The following ZNF679 variants were observed in gnomAD, a reference collection of about 807,000 sequenced individuals.
The protein encoded by ZNF679 is zinc finger protein 679, also known as hypothetical protein MGC42415.
Under a neutral mutation model 13.4 loss-of-function variants are expected in ZNF679, and 10 were observed. The observed-to-expected ratio is 0.75, with a 90% CI of 0.46 to 1.27. ZNF679 has a LOEUF of 1.27. ZNF679 is among the 50% of genes most tolerant of loss of function. ZNF679 has a pLI of 0.00. For missense variants in ZNF679, 525 were observed against 477.8 expected (o/e 1.10, Z -0.92); for synonymous variants, 179 against 162.5 (o/e 1.10, Z -0.77).
chr7:64,228,712 G>A (rs1787594201), intron 1 of ZNF679, 60 bp downstream of exon 1: 1 of 152,216 alleles, frequency 6.6e-6, no homozygotes, highest in African/African-American at 2.4e-5. Context: ...CCGTGCACGA[G>A]AGCTCCATCT....
At position 64,236,938 on chromosome 7, in the gene ZNF679, A is replaced by AAAG. The variant is rs1403950197; in HGVS notation, c.-91+8289_-91+8291dup. ...AGAAAGAAAGAAGAAAGAAAGAAAG[A>AAAG]AAGAAAGAAAGAAAGAAAGAAAGAA... On this transcript the variant is annotated intron_variant, in intron 1 of 4. Transcript: ENST00000421025. Among the ~76,000 whole-genome samples the AAAG allele has an allele frequency of 7.2e-5, 3 of 41,678 alleles. No homozygotes were observed. In the East Asian group the frequency reaches 4.3e-3, roughly 60 times the overall value. 27.3% of individuals were successfully genotyped at this position (41,678 alleles called of 152,430 possible). A position where few individuals can be genotyped will look rare whatever the true frequency, so the allele number is the denominator to read the frequency against.
At chr7:64,244,519 T>C (rs1323110712) in intron 1 of ZNF679, among the ~76,000 whole-genome samples, 2 of 152,122 alleles carry the variant, frequency 1.3e-5, no homozygotes, top group Non-Finnish European at 2.9e-5. Context: ...ACCCATAAGC[T>C]TTAACTACGG....
intron 1 of ZNF679, among the ~76,000 whole-genome samples, chr7:64,247,495 AAAT>A (rs1416826516): frequency 1.9e-4 from 29 of 152,360 alleles, no homozygotes; most frequent in African/African-American, 5.8e-4. Context: ...TCACATATTA[AAAT>A]AATATTTTGG....
intron 2 of ZNF679, among the ~76,000 whole-genome samples, chr7:64,250,710 T>C (rs1264340044): frequency 6.6e-6 from 1 of 151,904 alleles, no homozygotes; most frequent in Admixed American, 6.6e-5. Flanking sequence ...TGCCTCAGCC[T>C]CCCGAATAAC....
chr7:64,261,487 G>T (rs1380680879), intron 4 of ZNF679, among the ~76,000 whole-genome samples: 1 of 151,872 alleles, frequency 6.6e-6, no homozygotes, highest in Non-Finnish European at 1.5e-5. Context: ...GGATATACAA[G>T]CAGGATACCT....
Position 64,263,781 on chromosome 7 carries a change from T to C in ZNF679, c.263-2115T>C, listed in dbSNP as rs569434515. Among the ~76,000 whole-genome samples, 15 of 152,316 alleles carry C rather than the reference T, an allele frequency of 9.8e-5. No homozygotes were observed. The South Asian group carries it at 3.1e-3, about 32-fold the overall frequency. ...CTCACCAGAAACAGGTGCTGGCATATACATCTTGTACAGTCTACTCAACTG... is the reference window on the plus strand; with the variant it reads ...CTCACCAGAAACAGGTGCTGGCATACACATCTTGTACAGTCTACTCAACTG... On this transcript the variant is annotated intron_variant, in intron 4 of 4. Coordinates refer to ENST00000421025, the MANE Select transcript of ZNF679 (RefSeq NM_153363.3).
In ZNF679 at chr7:64,266,874, A is replaced by G. The variant is rs1377409412; in HGVS notation, c.*5A>G. ...AAACCCTACAAATGTGAATAATGTG[A>G]TAAAGTCCAGCCTTCAGACCTTATA... On this transcript the variant is annotated 3_prime_UTR_variant, in exon 5 of 5. Transcript: ENST00000421025. 1.3e-6 allele frequency: 2 copies of G among 1,553,488 alleles called. No homozygotes were observed. The highest frequency in any genetic ancestry group is 2.0e-5 in the Admixed American group (1 of 49,678).
intron 1 of ZNF679, among the ~76,000 whole-genome samples, chr7:64,233,862 G>C (rs547222305): frequency 6.6e-6 from 1 of 152,230 alleles, no homozygotes; most frequent in South Asian, 2.1e-4. Context: ...GTGTACATAA[G>C]AAAAAGGAGA....
At chr7:64,236,922 G>GAAGAAGAAAGA (rs1787723930) in intron 1 of ZNF679, among the ~76,000 whole-genome samples, 1 of 85,338 alleles carries the variant, frequency 1.2e-5, no homozygotes, top group Admixed American at 1.4e-4. Flanking sequence ...AAGAAAGAAA[G>GAAGAAGAAAGA]AAGAAAGAAA....
chr7:64,253,093 T>C (rs1787963384), intron 2 of ZNF679, among the ~76,000 whole-genome samples: 1 of 152,222 alleles, frequency 6.6e-6, no homozygotes, highest in African/African-American at 2.4e-5. Context: ...TTGGTCATAG[T>C]ACTAATTACA....
chr7:64,260,301 A>G lies in ZNF679; in HGVS notation c.120A>G (p.Leu40=). ...WQCLDHAQQN[L]YRDVMLENYR... ...GCCTGGATCACGCTCAGCAGAATTT[A>G]TATAGAGATGTGATGTTAGAGAACT... Residue 40 remains leucine (L), a synonymous_variant, in exon 3 of 5, where the codon TTA becomes TTG. Coordinates refer to ENST00000421025, the MANE Select transcript of ZNF679 (RefSeq NM_153363.3). 1 of 1,613,142 alleles carries G rather than the reference A, an allele frequency of 6.2e-7. No homozygotes were observed. Among genetic ancestry groups the G allele is most frequent in the African/African-American group, 1.3e-5 (1 of 74,976 alleles).
At chr7:64,236,961 GAAAGAAAGAAAGAAA>G (rs1337036241) in intron 1 of ZNF679, among the ~76,000 whole-genome samples, 17 of 47,596 alleles carry the variant, frequency 3.6e-4, no homozygotes, top group African/African-American at 1.5e-3. Context: ...AAGAAAGAAA[GAAAGAAAGAAAGAAA>G]AAGAAAGAAA....
At chr7:64,249,210 C>A in intron 2 of ZNF679, 54 bp downstream of exon 2, 1 of 1,613,930 alleles carries the variant, frequency 6.2e-7, no homozygotes, top group Non-Finnish European at 8.5e-7. Context: ...TTGGAACCGG[C>A]TGAAAGTGGC....
In ZNF679 at chr7:64,266,931, A is replaced by T; in HGVS notation, c.*62A>T. 4.2e-6 allele frequency: 6 copies of T among 1,424,092 alleles called. No homozygotes were observed. Among genetic ancestry groups the T allele is most frequent in the Non-Finnish European group, 5.6e-6 (6 of 1,079,758 alleles). The allele number at this position is 1,424,092 out of a possible 1,614,324, so 88.2% of individuals were successfully genotyped here. A position where few individuals can be genotyped will look rare whatever the true frequency, so the allele number is the denominator to read the frequency against. ...AAAATAATTTATACTTGAAAAAATC[A>T]CTACAAGTGTAAAGAATGTGGCCAA... On this transcript the variant is annotated 3_prime_UTR_variant, in exon 5 of 5. Transcript: ENST00000421025.
rs1271381632 is a variant in ZNF679 at position 64,266,065 on chromosome 7, T to A, written c.432T>A (p.Val144=). 1 of 1,613,222 alleles carries A rather than the reference T, an allele frequency of 6.2e-7. No individual in the cohort carries two copies. Among genetic ancestry groups the A allele is most frequent in the Non-Finnish European group, 8.5e-7 (1 of 1,179,636 alleles). ...CEVQKGGCNE[V]NQCLSTTQNK... ...TGCAAAAAGGAGGTTGTAATGAAGT[T>A]AACCAATGTTTGTCAACTACCCAAA... Residue 144 remains valine, a synonymous_variant, in exon 5 of 5, where the codon GTT becomes GTA. Coordinates refer to ENST00000421025, the MANE Select transcript of ZNF679 (RefSeq NM_153363.3).
At chr7:64,242,535 C>G (rs981137695) in intron 1 of ZNF679, among the ~76,000 whole-genome samples, 3 of 152,142 alleles carry the variant, frequency 2.0e-5, no homozygotes, top group Admixed American at 1.3e-4. Context: ...TGGTCAATAT[C>G]CCTCCTGTGG....
Position 64,262,352 on chromosome 7 carries a change from T to C in ZNF679, c.262+1423T>C, listed in dbSNP as rs147360611. 1.7e-3 allele frequency among the ~76,000 whole-genome samples: 265 copies of C among 152,368 alleles called. 4 individuals carry two copies. The East Asian group carries it at 0.025, about 14-fold the overall frequency. ...AGTTTAGCCCAGTTAAATTTTCCTG[T>C]TCTTCTCTTTGTTGCTCATGCATTT... On this transcript the variant is annotated intron_variant, in intron 4 of 4. Transcript: ENST00000421025.
chr7:64,261,406 C>T (rs901636342), intron 4 of ZNF679, among the ~76,000 whole-genome samples: 77 of 151,856 alleles, frequency 5.1e-4, no homozygotes, highest in African/African-American at 1.7e-3. Context: ...TTTTTTACAA[C>T]TTTTTTATTT....
At chr7:64,261,312 G>A (rs1788074596) in intron 4 of ZNF679, among the ~76,000 whole-genome samples, 1 of 152,066 alleles carries the variant, frequency 6.6e-6, no homozygotes, top group Non-Finnish European at 1.5e-5. Context: ...GAGAATAGTA[G>A]TTTCTGTTTC....
Sources: gnomAD v4.1 joint callset for allele counts (sites outside exome capture counted in the v4.1 genomes callset) on GRCh38, gnomAD v4.1.1 for gene constraint, MANE v1.5 for transcripts, NCBI Gene and HGNC (gene_info 2026-07-23, HGNC 2026-07-21) for gene names.